The following TATDN1 variants were observed in gnomAD, a reference collection of about 807,000 sequenced individuals.
TATDN1 encodes deoxyribonuclease TATDN1.
TATDN1 carries 40 observed loss-of-function variants against 46.4 expected under a neutral mutation model. The observed-to-expected ratio is 0.86, with a 90% confidence interval of 0.67 to 1.12. The LOEUF (loss-of-function observed/expected upper bound fraction) is 1.12, where lower values mean the gene tolerates loss of function less well. TATDN1 is among the 50% of genes most tolerant of loss of function. The pLI is 0.00. For missense variants in TATDN1, 326 were observed against 348.4 expected (o/e 0.94, Z 0.51); for synonymous variants, 95 against 105.6 (o/e 0.90, Z 0.62).
Position 124,515,908 on chromosome 8 carries a change from C to G in TATDN1, c.325G>C (p.Ala109Pro). ...LAENNKGKVVAIGECGLDFDR... is the reference protein window; with the variant it reads ...LAENNKGKVVPIGECGLDFDR... ...TCACCAAGTCCGCATTCTCCTATTGCCACAACTTTCCCTTTATTGTTTTCA... is the reference window on the plus strand; with the variant it reads ...TCACCAAGTCCGCATTCTCCTATTGGCACAACTTTCCCTTTATTGTTTTCA... The change falls in exon 5 of 12, where the codon GCA (alanine) becomes CCA (proline). Residue 109 changes from alanine to proline, a missense_variant. By Grantham distance (27) the Ala-to-Pro change is conservative (BLOSUM62 -1). Coordinates refer to ENST00000276692, the MANE Select transcript of TATDN1 (RefSeq NM_032026.4). The G allele has an allele frequency of 6.2e-7, 1 of 1,614,072 alleles. No individual in the cohort carries two copies. The highest frequency in any genetic ancestry group is 1.1e-5 in the South Asian group (1 of 91,068).
intron 1 of TATDN1, 48 bp downstream of exon 1, chr8:124,538,977 C>T (rs1487367698): frequency 6.2e-7 from 1 of 1,613,516 alleles, no homozygotes; most frequent in Non-Finnish European, 8.5e-7. Context: ...TGACCGACGC[C>T]CGGGACAAGT....
chr8:124,509,982 G>C (rs1353208557), intron 6 of TATDN1, among the ~76,000 whole-genome samples: 1 of 146,952 alleles, frequency 6.8e-6, no homozygotes, highest in African/African-American at 2.5e-5. Context: ...AGTGAGCTGA[G>C]ATTGTACCAC....
At chr8:124,493,785 C>G (rs1307779731) in intron 11 of TATDN1, 48 bp downstream of exon 11, 7 of 1,547,554 alleles carry the variant, frequency 4.5e-6, no homozygotes, top group Non-Finnish European at 2.6e-6. Flanking sequence ...TAAGTGGCAT[C>G]TGGTGGTTAA....
chr8:124,524,018 A>T (rs1820275821), intron 1 of TATDN1, among the ~76,000 whole-genome samples: 3 of 152,212 alleles, frequency 2.0e-5, no homozygotes, highest in Admixed American at 2.0e-4. Flanking sequence ...AGCTTTTAGC[A>T]GGAGGAGAAT....
At chr8:124,507,953 A>T (rs561342481) in intron 8 of TATDN1, among the ~76,000 whole-genome samples, 2 of 152,352 alleles carry the variant, frequency 1.3e-5, no homozygotes, top group Admixed American at 1.3e-4. Flanking sequence ...GTAAATTTAC[A>T]TGTCTTTCAA....
intron 3 of TATDN1, among the ~76,000 whole-genome samples, chr8:124,520,609 G>T (rs1819948082): frequency 6.6e-6 from 1 of 151,698 alleles, no homozygotes; most frequent in African/African-American, 2.4e-5. Context: ...GAAAAAAACG[G>T]CAAGACAAGA....
intron 1 of TATDN1, among the ~76,000 whole-genome samples, chr8:124,532,765 CG>C (rs147310282): frequency 2.0e-3 from 302 of 152,304 alleles, no homozygotes; most frequent in Middle Eastern, 6.8e-3. Flanking sequence ...TTGGGCAGAT[CG>C]GGCAGTTGGC....
chr8:124,517,297 A>G (rs1819561998), intron 4 of TATDN1, among the ~76,000 whole-genome samples: 1 of 152,006 alleles, frequency 6.6e-6, no homozygotes, highest in Non-Finnish European at 1.5e-5. Context: ...GTGTGGTGGC[A>G]CACGCCTGTA....
chr8:124,520,221 G>A (rs901486412), intron 3 of TATDN1, among the ~76,000 whole-genome samples: 3 of 151,952 alleles, frequency 2.0e-5, no homozygotes, highest in Non-Finnish European at 4.4e-5. Flanking sequence ...TGGATCACCC[G>A]TGGTCAGGAG....
intron 1 of TATDN1, among the ~76,000 whole-genome samples, chr8:124,536,981 C>T (rs1821479268): frequency 1.3e-5 from 2 of 151,620 alleles, no homozygotes; most frequent in African/African-American, 4.8e-5. Flanking sequence ...GAAGGCTATA[C>T]TTCAAACTTT....
At chr8:124,521,482 GAAT>G (rs1820039099) in intron 3 of TATDN1, among the ~76,000 whole-genome samples, 1 of 152,204 alleles carries the variant, frequency 6.6e-6, no homozygotes, top group Admixed American at 6.5e-5. Context: ...TATTATTTGT[GAAT>G]AATAACAAAT....
chr8:124,523,071 TTC>T (rs1176312300), intron 1 of TATDN1, 69 bp from the exon 2 acceptor site: 5 of 1,415,718 alleles, frequency 3.5e-6, no homozygotes, highest in Non-Finnish European at 3.0e-6. Flanking sequence ...AATAAAAAGC[TTC>T]TGTTACTAAA....
chr8:124,516,814 T>G (rs1434748933), intron 4 of TATDN1, among the ~76,000 whole-genome samples: 3 of 152,180 alleles, frequency 2.0e-5, no homozygotes, highest in African/African-American at 7.2e-5. Flanking sequence ...GTTCACTTAT[T>G]CGGAGGAGAC....
intron 11 of TATDN1, chr8:124,490,308 G>A (rs936461361): frequency 6.6e-6 from 1 of 152,156 alleles, no homozygotes; most frequent in East Asian, 1.9e-4. Context: ...TCAAGAGTTC[G>A]AGACCAGTGT....
At chr8:124,533,458 G>A (rs1049199559) in intron 1 of TATDN1, among the ~76,000 whole-genome samples, 1 of 151,516 alleles carries the variant, frequency 6.6e-6, no homozygotes, top group African/African-American at 2.4e-5. Flanking sequence ...TAGCCTTGAT[G>A]AGGCCTGAGG....
At chr8:124,497,952 C>T (rs1300674804) in intron 9 of TATDN1, among the ~76,000 whole-genome samples, 1 of 152,198 alleles carries the variant, frequency 6.6e-6, no homozygotes, top group African/African-American at 2.4e-5. Context: ...ATTACTTTAA[C>T]ATCACCATTT....
At chr8:124,534,174 A>G (rs1315794774) in intron 1 of TATDN1, among the ~76,000 whole-genome samples, 5 of 147,912 alleles carry the variant, frequency 3.4e-5, no homozygotes, top group Admixed American at 6.9e-5. Context: ...AAAAAAAAAA[A>G]AAAAAGAAAT....
chr8:124,500,317 C>T (rs1286543124), intron 9 of TATDN1, among the ~76,000 whole-genome samples: 1 of 152,126 alleles, frequency 6.6e-6, no homozygotes, highest in Admixed American at 6.5e-5. Flanking sequence ...AAATGACTAA[C>T]CTATTAATTC....
At chr8:124,522,421 G>A (rs1429073335) in intron 2 of TATDN1, among the ~76,000 whole-genome samples, 1 of 152,046 alleles carries the variant, frequency 6.6e-6, no homozygotes, top group Non-Finnish European at 1.5e-5. Flanking sequence ...TGCATAATGA[G>A]TTCTTTTTTT....
Sources: gnomAD v4.1 joint callset for allele counts (sites outside exome capture counted in the v4.1 genomes callset) on GRCh38, gnomAD v4.1.1 for gene constraint, MANE v1.5 for transcripts, NCBI Gene and HGNC (gene_info 2026-07-23, HGNC 2026-07-21) for gene names.